The following DUOX2 variants were observed in gnomAD, a reference collection of about 807,000 sequenced individuals.
DUOX2 encodes NADH/NADPH thyroid oxidase p138-tox.
In DUOX2, 185 loss-of-function variants were observed where a neutral mutation model predicts 183.3. That is an observed-to-expected ratio of 1.01 (90% CI 0.90 to 1.14). The LOEUF (loss-of-function observed/expected upper bound fraction) is 1.14. Ranked by LOEUF, DUOX2 falls within the 50% of genes most tolerant of loss-of-function variation. The probability of loss-of-function intolerance (pLI) is 0.00; values close to 1 mark genes in which losing one functional copy is unlikely to be tolerated. For missense variants in DUOX2, 1,999 were observed against 2,022.9 expected, an observed-to-expected ratio of 0.99 and a Z score of 0.23; for synonymous variants, 788 against 812.4, an observed-to-expected ratio of 0.97 and a Z score of 0.51.
Position 45,109,029 on chromosome 15 carries a change from T to C in DUOX2, c.1235-77A>G, listed in dbSNP as rs992944988. On this transcript the variant is annotated intron_variant, in intron 11 of 33. Transcript: ENST00000389039. ...TGCCCTGCAGCCTTGTATCTGACTA[T>C]TGGCACTACGGTTCTTCCCTCCTGG... The C allele has an allele frequency of 2.5e-6, 4 of 1,569,112 alleles. No individual in the cohort carries two copies. The African/African-American group carries it at 4.1e-5, about 16-fold the overall frequency.
chr15:45,094,467 G>A (rs1893847097), intron 33 of DUOX2, 96 bp downstream of exon 33: 4 of 1,543,600 alleles, frequency 2.6e-6, no homozygotes, highest in Non-Finnish European at 3.5e-6. Context: ...ATCGGGTGGA[G>A]TTCTCTGCTC....
chr15:45,097,917 C>A, intron 27 of DUOX2, 92 bp downstream of exon 27: 1 of 1,542,028 alleles, frequency 6.5e-7, no homozygotes, highest in Non-Finnish European at 9.0e-7. Flanking sequence ...GAAACAGACC[C>A]CATGGCCAGT....
intron 11 of DUOX2, chr15:45,109,276 A>G: frequency 1.7e-6 from 1 of 600,630 alleles, no homozygotes; most frequent in South Asian, 2.0e-5. Flanking sequence ...AGCACCAAAG[A>G]GATTGTGGTA....
chr15:45,099,511 C>T lies in DUOX2; in HGVS notation c.3416-29G>A, dbSNP rs115150281. 846 of 1,606,518 alleles carry T rather than the reference C, an allele frequency of 5.3e-4. 9 individuals carry two copies. In the African/African-American group the frequency reaches 0.011, roughly 20 times the overall value. On this transcript the variant is annotated intron_variant, in intron 25 of 33. Coordinates refer to ENST00000389039, the MANE Select transcript of DUOX2 (RefSeq NM_001363711.2). ...GAAGAGACAGACCCTGTTAGAGATGCCAACCAGGACAGACTCTACCTCCGA... is the reference window on the plus strand; with the variant it reads ...GAAGAGACAGACCCTGTTAGAGATGTCAACCAGGACAGACTCTACCTCCGA...
At chr15:45,099,552 G>T in intron 25 of DUOX2, 70 bp from the exon 26 acceptor site, 4 of 1,579,164 alleles carry the variant, frequency 2.5e-6, no homozygotes, top group Non-Finnish European at 3.5e-6. Flanking sequence ...AGGGAGAGAG[G>T]AGGCATAGGG....
rs765880428 is a variant in DUOX2, at chr15:45,101,935, C to G, written c.2709G>C (p.Val903=). 1 of 1,614,102 alleles carries G rather than the reference C, an allele frequency of 6.2e-7. No homozygotes were observed. The highest frequency in any genetic ancestry group is 8.5e-7 in the Non-Finnish European group (1 of 1,180,050). The stretch of plus-strand genomic sequence containing the variant: ...CCGACTCCCGGAACATAGACTCCAC[C>G]ACCTCGGCCAGCTGGGCCTTGGACA... The part of the protein sequence containing the change: ...NCLSKAQLAE[V]VESMFRESGF... Residue 903 remains valine (V), a synonymous_variant, in exon 21 of 34, where the codon GTG becomes GTC. Transcript: ENST00000389039.
intron 20 of DUOX2, 139 bp from the exon 21 acceptor site, chr15:45,102,128 C>T: frequency 8.9e-7 from 1 of 1,121,236 alleles, no homozygotes; most frequent in Non-Finnish European, 1.3e-6. Flanking sequence ...GCTCATCCAG[C>T]CTGCCGCTGA....
At position 45,095,907 on chromosome 15, in the gene DUOX2, C is replaced by T. The variant is rs781160106; in HGVS notation, c.4001G>A (p.Arg1334Gln). 1.7e-5 allele frequency: 27 copies of T among 1,613,664 alleles called. No homozygotes were observed. Among genetic ancestry groups the T allele is most frequent in the East Asian group, 8.9e-5 (4 of 44,870 alleles). Reference sequence around the variant, plus strand: ...GCGAGTGGTCCAGGGCCCCACTGCCCGGATGTGCAGGCTGAGTGTGTCCTC... The same window carrying T: ...GCGAGTGGTCCAGGGCCCCACTGCCTGGATGTGCAGGCTGAGTGTGTCCTC... ...PHEDTLSLHIRAVGPWTTRLR... is the reference protein window; with the variant it reads ...PHEDTLSLHIQAVGPWTTRLR... The change falls in exon 30 of 34, where the codon CGG becomes CAG. Residue 1334 changes from arginine (R) to glutamine (Q), a missense_variant. Transcript: ENST00000389039.
Position 45,106,657 on chromosome 15 carries a change from A to G in DUOX2, c.1832-16T>C. The stretch of plus-strand genomic sequence containing the variant: ...AGCAGACTCACTGAAGTGGATCAGA[A>G]GGAACAGTGAGGAGGGAGCCCCTCA... On this transcript the variant is annotated splice_polypyrimidine_tract_variant and intron_variant, in intron 15 of 33. Transcript: ENST00000389039. 5 of 1,613,764 alleles carry G rather than the reference A, an allele frequency of 3.1e-6. No homozygotes were observed. Among genetic ancestry groups the G allele is most frequent in the Non-Finnish European group, 4.2e-6 (5 of 1,179,650 alleles).
At chr15:45,100,410 T>C (rs367580756) in intron 23 of DUOX2, 182 bp from the exon 24 acceptor site, 28 of 628,646 alleles carry the variant, frequency 4.5e-5, no homozygotes, top group East Asian at 4.4e-4. Context: ...CTTTGCTCCA[T>C]CCACCCACTC....
At chr15:45,106,482 T>C (rs1894216017) in intron 16 of DUOX2, 46 bp downstream of exon 16, 1 of 1,604,934 alleles carries the variant, frequency 6.2e-7, no homozygotes, top group South Asian at 1.1e-5. Context: ...CTCCTGTCTC[T>C]CCCCTCCTCC....
chr15:45,094,402 C>A, intron 33 of DUOX2, 130 bp from the exon 34 acceptor site: 1 of 1,542,172 alleles, frequency 6.5e-7, no homozygotes, highest in Non-Finnish European at 8.8e-7. Context: ...GGAGGCTTAA[C>A]GTGGAGGGGG....
At chr15:45,104,849 C>T (rs1382113153) in intron 18 of DUOX2, among the ~76,000 whole-genome samples, 1 of 152,142 alleles carries the variant, frequency 6.6e-6, no homozygotes, top group Non-Finnish European at 1.5e-5. Context: ...GAGATGGAGT[C>T]TTGCTCTGTC....
At position 45,095,429 on chromosome 15, in the gene DUOX2, A is replaced by C; in HGVS notation, c.4239+8T>G. On this transcript the variant is annotated splice_region_variant and intron_variant, in intron 31 of 33. Coordinates refer to ENST00000389039, the MANE Select transcript of DUOX2 (RefSeq NM_001363711.2). ...GCCCCATTTGATGAATGAGGGAGGG[A>C]TGCTCACCTTCTTACACAGCATTTG... 6.2e-7 allele frequency: 1 copy of C among 1,614,180 alleles called. No individual in the cohort carries two copies.
intron 3 of DUOX2, 56 bp downstream of exon 3, chr15:45,112,931 G>A (rs1894486361): frequency 1.3e-6 from 2 of 1,595,388 alleles, no homozygotes; most frequent in Non-Finnish European, 8.6e-7. Flanking sequence ...AGGGCCTTTC[G>A]CGCCCCGGCC....
Position 45,114,083 on chromosome 15 carries a change from A to C in DUOX2, c.-125T>G. On this transcript the variant is annotated 5_prime_UTR_variant, in exon 1 of 34. Coordinates refer to ENST00000389039, the MANE Select transcript of DUOX2 (RefSeq NM_001363711.2). ...CACTCTTCCAGCTCCGCCGATCCTC[A>C]GCCTCCCCGGCTGCACTCTCACCTT... The C allele has an allele frequency of 4.9e-6, 1 of 205,288 alleles. No homozygotes were observed. Among genetic ancestry groups the C allele is most frequent in the East Asian group, 1.2e-4 (1 of 8,420 alleles). 12.7% of individuals were successfully genotyped at this position (205,288 alleles called of 1,614,324 possible).
intron 26 of DUOX2, among the ~76,000 whole-genome samples, chr15:45,098,621 C>A (rs1352945783): frequency 6.6e-6 from 1 of 152,158 alleles, no homozygotes; most frequent in African/African-American, 2.4e-5. Flanking sequence ...TTCTTGAAGG[C>A]AAGAAATTTA....
At chr15:45,105,925 ACTC>A (rs1347999414) in intron 17 of DUOX2, 97 bp from the exon 18 acceptor site, 16 of 1,495,152 alleles carry the variant, frequency 1.1e-5, no homozygotes, top group Non-Finnish European at 1.5e-5. Context: ...AGGAGAGAAA[ACTC>A]CTCCCCATCC....
intron 27 of DUOX2, 40 bp from the exon 28 acceptor site, chr15:45,097,781 C>G (rs199954635): frequency 6.2e-7 from 1 of 1,614,078 alleles, no homozygotes; most frequent in South Asian, 1.1e-5. Flanking sequence ...AGTCTCAGGA[C>G]TTCAGCTTGG....
Sources: gnomAD v4.1 joint callset for allele counts (sites outside exome capture counted in the v4.1 genomes callset) on GRCh38, gnomAD v4.1.1 for gene constraint, MANE v1.5 for transcripts, NCBI Gene and HGNC (gene_info 2026-07-23, HGNC 2026-07-21) for gene names.